The following EPHA6 variants were observed in gnomAD, a reference collection of about 807,000 sequenced individuals.
EPHA6 encodes the protein EPH receptor A6.
Under a neutral mutation model 112.0 loss-of-function variants are expected in EPHA6, and 50 were observed. The observed-to-expected ratio is 0.45, with a 90% CI of 0.36 to 0.56. The LOEUF (loss-of-function observed/expected upper bound fraction) is 0.56, where lower values mean the gene tolerates loss of function less well. EPHA6 is among the 20% of genes least tolerant of loss of function. EPHA6 has a pLI of 0.00. For missense variants in EPHA6, 1,280 were observed against 1,417.4 expected (o/e 0.90, Z 1.56); for synonymous variants, 529 against 490.7 (o/e 1.08, Z -1.03).
At chr3:96,895,595 G>T (rs2038224399) in intron 2 of EPHA6, among the ~76,000 whole-genome samples, 1 of 152,162 alleles carries the variant, frequency 6.6e-6, no homozygotes, top group South Asian at 2.1e-4. Flanking sequence ...TTGCAGCTCT[G>T]CAAGCTCCCT....
chr3:97,719,069 A>G, intron 14 of EPHA6, among the ~76,000 whole-genome samples: 1 of 98,980 alleles, frequency 1.0e-5, no homozygotes, highest in African/African-American at 4.1e-5. Flanking sequence ...TTTTGGATGA[A>G]TCCGTTCCCG....
At chr3:97,710,044 C>T (rs2873395) in intron 14 of EPHA6, among the ~76,000 whole-genome samples, 13,342 of 152,196 alleles carry the variant, frequency 0.088, 1,876 homozygotes, top group African/African-American at 0.3. Context: ...ATTCTTTCAG[C>T]GAAAGTCTAC....
At chr3:96,824,984 T>C (rs552000777) in intron 1 of EPHA6, among the ~76,000 whole-genome samples, 1 of 151,948 alleles carries the variant, frequency 6.6e-6, no homozygotes, top group African/African-American at 2.4e-5. Flanking sequence ...AGAAATGATA[T>C]AAACTTTACA....
At chr3:97,436,417 C>T (rs1415069088) in intron 6 of EPHA6, among the ~76,000 whole-genome samples, 2 of 152,040 alleles carry the variant, frequency 1.3e-5, no homozygotes, top group East Asian at 3.9e-4. Flanking sequence ...TTTAAAGTTC[C>T]ACCACGGTGA....
At chr3:97,324,479 C>CTTTTTCTTTT (rs2082313681) in intron 5 of EPHA6, among the ~76,000 whole-genome samples, 2 of 50,030 alleles carry the variant, frequency 4.0e-5, no homozygotes, top group African/African-American at 1.4e-4. Flanking sequence ...CTTTTTCTTT[C>CTTTTTCTTTT]GTCTCTTTCT....
chr3:97,106,327 A>G (rs1194593822), intron 3 of EPHA6, among the ~76,000 whole-genome samples: 2 of 151,746 alleles, frequency 1.3e-5, no homozygotes, highest in African/African-American at 2.4e-5. Context: ...TTTTTTTTCT[A>G]TGGTTTCCAA....
intron 6 of EPHA6, among the ~76,000 whole-genome samples, chr3:97,442,422 C>T (rs2090166534): frequency 6.6e-6 from 1 of 152,072 alleles, no homozygotes; most frequent in Admixed American, 6.6e-5. Flanking sequence ...CCCGTTTCTA[C>T]TAAAAATACA....
intron 2 of EPHA6, among the ~76,000 whole-genome samples, chr3:96,969,139 A>G (rs2042230046): frequency 6.6e-6 from 1 of 151,946 alleles, no homozygotes; most frequent in East Asian, 1.9e-4. Context: ...AACAATTGGA[A>G]ATCAGCACCA....
intron 3 of EPHA6, among the ~76,000 whole-genome samples, chr3:97,187,659 AAAGGAAAGAAAGAAAGAGAAAGAAAG>A (rs1313062767): frequency 7.2e-6 from 1 of 138,218 alleles, no homozygotes; most frequent in Non-Finnish European, 1.6e-5. Flanking sequence ...AGAAAGAAAG[AAAGGAAAGAAAGAAAGAGAAAGAAAG>A]AAGGAAAGAA....
At chr3:97,089,770 G>C (rs1330948355) in intron 3 of EPHA6, among the ~76,000 whole-genome samples, 1 of 151,942 alleles carries the variant, frequency 6.6e-6, no homozygotes, top group African/African-American at 2.4e-5. Context: ...AGTAGGAAGT[G>C]ACTTCCCTAG....
At chr3:97,514,902 G>A (rs574057537) in intron 10 of EPHA6, among the ~76,000 whole-genome samples, 2 of 152,212 alleles carry the variant, frequency 1.3e-5, no homozygotes, top group Admixed American at 6.5e-5. Context: ...CCCAATCATC[G>A]GAACCTTGAG....
intron 11 of EPHA6, among the ~76,000 whole-genome samples, chr3:97,586,450 A>G (rs924440375): frequency 9.9e-5 from 15 of 152,212 alleles, no homozygotes; most frequent in African/African-American, 3.6e-4. Context: ...ACCATCACAG[A>G]AAACAAAGAA....
chr3:97,188,691 A>G lies in EPHA6; in HGVS notation c.1115-37573A>G, dbSNP rs980020019. On this transcript the variant is annotated intron_variant, in intron 3 of 17. Coordinates refer to ENST00000389672, the MANE Select transcript of EPHA6 (RefSeq NM_001080448.3). ...ATATAAGTAATGGTAAATTTGTACT[A>G]TAAATTTAATCTACATTATGCAAAT... is the stretch of plus-strand genomic sequence containing the variant. Among the ~76,000 whole-genome samples the G allele has an allele frequency of 3.3e-5, 5 of 152,016 alleles. No homozygotes were observed. The East Asian group carries it at 9.6e-4, about 29-fold the overall frequency.
intron 10 of EPHA6, among the ~76,000 whole-genome samples, chr3:97,498,714 T>A (rs1229315387): frequency 6.6e-6 from 1 of 152,110 alleles, no homozygotes; most frequent in African/African-American, 2.4e-5. Flanking sequence ...TCCTGTCAGA[T>A]CAGTGGTGAC....
chr3:97,486,735 A>G (rs1339812803), intron 10 of EPHA6, among the ~76,000 whole-genome samples: 4 of 152,168 alleles, frequency 2.6e-5, no homozygotes, highest in South Asian at 4.1e-4. Context: ...ACTTGAGGGG[A>G]CACATTCAAA....
At chr3:97,057,763 C>T (rs922809060) in intron 3 of EPHA6, among the ~76,000 whole-genome samples, 2 of 152,106 alleles carry the variant, frequency 1.3e-5, no homozygotes, top group African/African-American at 2.4e-5. Context: ...GATATTAATT[C>T]TCCTTCTACT....
chr3:97,177,444 A>G (rs1346136469), intron 3 of EPHA6, among the ~76,000 whole-genome samples: 2 of 151,938 alleles, frequency 1.3e-5, no homozygotes, highest in African/African-American at 2.4e-5. Context: ...TTTTCTGTCC[A>G]GAAGATCTGT....
rs765808907 is a variant in EPHA6, at chr3:97,448,674, C to G, written c.1838C>G (p.Thr613Ser). 2 of 1,613,390 alleles carry G rather than the reference C, an allele frequency of 1.2e-6. No homozygotes were observed. ...TATGTATTTCACATCCGAGTGAGAACTGCGACAGGATACAGTGGCTACAGT... is the reference window on the plus strand; with the variant it reads ...TATGTATTTCACATCCGAGTGAGAAGTGCGACAGGATACAGTGGCTACAGT... ...TKYVFHIRVR[T>S]ATGYSGYSQK... Residue 613 changes from threonine to serine, a missense_variant, in exon 7 of 18, where the codon ACT becomes AGT. Coordinates refer to ENST00000389672, the MANE Select transcript of EPHA6 (RefSeq NM_001080448.3).
chr3:96,825,967 C>A (rs1242602054), intron 1 of EPHA6, among the ~76,000 whole-genome samples: 1 of 151,732 alleles, frequency 6.6e-6, no homozygotes, highest in Admixed American at 6.6e-5. Flanking sequence ...CTACTGATAA[C>A]GCTAATAGAT....
Sources: allele counts gnomAD v4.1 joint callset (sites outside exome capture counted in the v4.1 genomes callset), GRCh38; gene constraint gnomAD v4.1.1; transcripts MANE v1.5; gene names NCBI Gene and HGNC (gene_info 2026-07-23, HGNC 2026-07-21).